CYLC2: variants seen among roughly 807,000 people sequenced by gnomAD.
CYLC2 encodes cylicin-2.
A neutral mutation model predicts 26.1 loss-of-function variants in CYLC2; 30 were observed. The observed-to-expected ratio is 1.15, with a 90% CI of 0.86 to 1.56. CYLC2 has a LOEUF of 1.56. Ranked by LOEUF, CYLC2 falls within the 40% of genes most tolerant of loss-of-function variation. The probability of loss-of-function intolerance (pLI) is 0.00; values close to 1 mark genes in which losing one functional copy is unlikely to be tolerated. For synonymous variants in CYLC2, 158 were observed against 132.8 expected, an observed-to-expected ratio of 1.19 and a Z score of -1.31; for missense variants, 498 against 394.4, an observed-to-expected ratio of 1.26 and a Z score of -2.23.
At chr9:103,007,608 A>G (rs1379895795) in intron 5 of CYLC2, among the ~76,000 whole-genome samples, 1 of 152,186 alleles carries the variant, frequency 6.6e-6, no homozygotes, top group African/African-American at 2.4e-5. Context: ...TGAGGAAAAA[A>G]TAAAAAGCAG....
intron 5 of CYLC2, among the ~76,000 whole-genome samples, chr9:103,008,489 C>A (rs3892742): frequency 6.6e-6 from 1 of 151,200 alleles, no homozygotes; most frequent in East Asian, 1.9e-4. Context: ...CAAATACTTA[C>A]TTAAGCACCT....
chr9:103,000,414 C>G (rs1006913967), intron 1 of CYLC2, among the ~76,000 whole-genome samples: 79 of 152,032 alleles, frequency 5.2e-4, no homozygotes, highest in African/African-American at 1.9e-3. Context: ...TCTTCGAGAG[C>G]ATTTGGAATA....
intron 6 of CYLC2, among the ~76,000 whole-genome samples, chr9:103,014,898 A>G (rs1419508920): frequency 7.2e-6 from 1 of 139,048 alleles, no homozygotes; most frequent in Non-Finnish European, 1.5e-5. Flanking sequence ...TGTAATATAC[A>G]TAATATATGT....
chr9:102,995,541 A>C, intron 1 of CYLC2, 144 bp downstream of exon 1: 2 of 628,404 alleles, frequency 3.2e-6, no homozygotes, highest in Non-Finnish European at 5.5e-6. Flanking sequence ...AAAGATTCTC[A>C]AGCAACATAA....
intron 1 of CYLC2, 74 bp downstream of exon 1, chr9:102,995,471 G>A: frequency 9.2e-7 from 1 of 1,083,870 alleles, no homozygotes; most frequent in South Asian, 1.3e-5. Flanking sequence ...AGTATGAAGA[G>A]ATATTTATTA....
Position 103,001,622 on chromosome 9 carries a change from A to G in CYLC2, c.58+4A>G. ...CCATATGATAATTACATTCCAGGTA[A>G]GAAAGCATTCAATATTTATTACAAA... is the stretch of plus-strand genomic sequence containing the variant. On this transcript the variant is annotated splice_donor_region_variant and intron_variant, in intron 2 of 7. Coordinates refer to ENST00000374798, the MANE Select transcript of CYLC2 (RefSeq NM_001340.5). The G allele has an allele frequency of 6.4e-7, 1 of 1,552,204 alleles. No homozygotes were observed. The highest frequency in any genetic ancestry group is 1.1e-5 in the South Asian group (1 of 88,906).
chr9:103,005,397 G>T lies in CYLC2; in HGVS notation c.766G>T (p.Glu256Ter), dbSNP rs777515194. The change falls in exon 5 of 8, where the codon GAA (glutamate) becomes TAA (stop). Residue 256 changes from glutamate (E) to a stop codon, truncating the protein, a stop_gained. Coordinates refer to ENST00000374798, the MANE Select transcript of CYLC2 (RefSeq NM_001340.5). LOFTEE classifies it low-confidence loss of function (END_TRUNC). ...DGKKDANKGD[E>*]SKDAKKDAKE... is the part of the protein sequence containing the mutation. ...AAAAAAAGATGCAAACAAAGGTGAT[G>T]AATCGAAGGATGCCAAGAAAGATGC... The T allele has an allele frequency of 6.8e-6, 11 of 1,613,938 alleles. No individual in the cohort carries two copies. In the East Asian group the frequency reaches 2.0e-4, roughly 29 times the overall value.
At chr9:103,013,168 A>AAATATATATTTAATATATTATAT (rs1407559368) in intron 6 of CYLC2, among the ~76,000 whole-genome samples, 14 of 135,440 alleles carry the variant, frequency 1.0e-4, no homozygotes, top group Non-Finnish European at 2.2e-4. Flanking sequence ...TATATTATAT[A>AAATATATATTTAATATATTATAT]AATATATATT....
intron 6 of CYLC2, among the ~76,000 whole-genome samples, chr9:103,012,844 C>T (rs1301075151): frequency 6.6e-6 from 1 of 151,220 alleles, no homozygotes; most frequent in Non-Finnish European, 1.5e-5. Flanking sequence ...ATCATATGAG[C>T]AGTTTTACGG....
intron 6 of CYLC2, among the ~76,000 whole-genome samples, chr9:103,014,103 T>G (rs1362032786): frequency 1.7e-5 from 2 of 119,448 alleles, no homozygotes; most frequent in Admixed American, 1.0e-4. Context: ...TAAAATTAAA[T>G]ATAATAAATA....
rs376051287 is a variant in CYLC2, at chr9:103,014,649, T to C, written c.*817-2239T>C. 6.0e-3 allele frequency among the ~76,000 whole-genome samples: 692 copies of C among 115,184 alleles called. 7 individuals carry two copies. Among genetic ancestry groups the C allele is most frequent in the Admixed American group, 8.4e-3 (88 of 10,432 alleles). 75.6% of individuals were successfully genotyped at this position (115,184 alleles called of 152,430 possible). The stretch of plus-strand genomic sequence containing the variant: ...TGCAGTATACATCATATGTATATTA[T>C]GCAGTATACACCATATGTATATTAT... On this transcript the variant is annotated intron_variant, in intron 6 of 7. Transcript: ENST00000374798.
rs1321047731 is a variant in CYLC2, at chr9:103,013,371, TA to T, written c.*816+1276del. On this transcript the variant is annotated intron_variant, in intron 6 of 7. Transcript: ENST00000374798. ...AATATATATTATATAAATATATATT[TA>T]ATATATTATATAAATATATATTATA... is the stretch of plus-strand genomic sequence containing the variant. Among the ~76,000 whole-genome samples, 91 of 103,868 alleles carry T rather than the reference TA, an allele frequency of 8.8e-4. 2 individuals carry two copies. Among genetic ancestry groups the T allele is most frequent in the Middle Eastern group, 0.025 (2 of 80 alleles). 68.1% of individuals were successfully genotyped at this position (103,868 alleles called of 152,430 possible).
rs144091023 is a variant in CYLC2, at chr9:103,001,602, T to C, written c.42T>C (p.Tyr14=). Residue 14 remains tyrosine, a synonymous_variant, in exon 2 of 8, where the codon TAT becomes TAC. Coordinates refer to ENST00000374798, the MANE Select transcript of CYLC2 (RefSeq NM_001340.5). The part of the protein sequence containing the change: ...PRFQRVNFGP[Y]DNYIPVSELS... The stretch of plus-strand genomic sequence containing the variant: ...GCCAAAGAGTAAACTTTGGGCCATA[T>C]GATAATTACATTCCAGGTAAGAAAG... The C allele has an allele frequency of 7.0e-4, 1,086 of 1,560,264 alleles. 5 individuals carry two copies. The African/African-American group carries it at 0.011, about 16-fold the overall frequency.
intron 1 of CYLC2, 103 bp downstream of exon 1, chr9:102,995,500 C>T: frequency 1.2e-6 from 1 of 866,798 alleles, no homozygotes. Context: ...TGATGCCATT[C>T]ATAAGCAAAA....
intron 3 of CYLC2, among the ~76,000 whole-genome samples, chr9:103,004,198 T>A (rs945726519): frequency 2.0e-5 from 3 of 152,092 alleles, no homozygotes; most frequent in Non-Finnish European, 2.9e-5. Flanking sequence ...TCAATTTATA[T>A]CTGCCAAGCA....
At chr9:103,007,338 A>G (rs903538268) in intron 5 of CYLC2, among the ~76,000 whole-genome samples, 1 of 152,104 alleles carries the variant, frequency 6.6e-6, no homozygotes, top group Non-Finnish European at 1.5e-5. Context: ...AATATTAATC[A>G]ATTTATTTTG....
intron 5 of CYLC2, among the ~76,000 whole-genome samples, chr9:103,011,430 T>C (rs1355436820): frequency 6.6e-6 from 1 of 152,074 alleles, no homozygotes; most frequent in Non-Finnish European, 1.5e-5. Flanking sequence ...TTACTGAATT[T>C]TGGTACTTTA....
chr9:103,014,551 C>A (rs1260597369), intron 6 of CYLC2, among the ~76,000 whole-genome samples: 1 of 138,612 alleles, frequency 7.2e-6, no homozygotes, highest in Non-Finnish European at 1.5e-5. Context: ...GTATATTATG[C>A]AGTATACATC....
At chr9:103,014,259 T>A (rs1219265569) in intron 6 of CYLC2, among the ~76,000 whole-genome samples, 3 of 129,258 alleles carry the variant, frequency 2.3e-5, no homozygotes, top group Non-Finnish European at 4.6e-5. Context: ...TATCACATAA[T>A]ATATTACATT....
Sources: gnomAD v4.1 joint callset for allele counts (sites outside exome capture counted in the v4.1 genomes callset) on GRCh38, gnomAD v4.1.1 for gene constraint, MANE v1.5 for transcripts, NCBI Gene and HGNC (gene_info 2026-07-23, HGNC 2026-07-21) for gene names.